CDC42SE2: variants seen among roughly 807,000 people sequenced by gnomAD.
CDC42SE2 encodes CDC42 small effector protein 2.
CDC42SE2 carries 3 observed loss-of-function variants against 11.5 expected under a neutral mutation model. The ratio of observed to expected loss-of-function variants is 0.26; its 90% CI spans 0.12 to 0.67. The LOEUF (loss-of-function observed/expected upper bound fraction) is 0.67, where lower values mean the gene tolerates loss of function less well. Ranked by LOEUF, CDC42SE2 falls within the 30% of genes least tolerant of loss-of-function variation. CDC42SE2 has a pLI of 0.80. For synonymous variants in CDC42SE2, 33 were observed against 34.8 expected, an observed-to-expected ratio of 0.95 and a Z score of 0.18; for missense variants, 82 against 106.8, an observed-to-expected ratio of 0.77 and a Z score of 1.02.
At chr5:131,372,428 A>G (rs1750035382) in intron 3 of CDC42SE2, among the ~76,000 whole-genome samples, 1 of 152,028 alleles carries the variant, frequency 6.6e-6, no homozygotes, top group Non-Finnish European at 1.5e-5. Flanking sequence ...TTGGTCAGAA[A>G]GGCTGGGCGC....
At chr5:131,390,597 C>T (rs1421853278) in intron 4 of CDC42SE2, among the ~76,000 whole-genome samples, 3 of 151,928 alleles carry the variant, frequency 2.0e-5, no homozygotes, top group African/African-American at 7.3e-5. Context: ...ATCATTTGAA[C>T]CTGGGAGGTG....
intron 1 of CDC42SE2, among the ~76,000 whole-genome samples, chr5:131,300,555 C>T (rs1321126190): frequency 6.6e-6 from 1 of 151,964 alleles, no homozygotes; most frequent in South Asian, 2.1e-4. Flanking sequence ...GAGGCCGAGG[C>T]GGGCGGATCA....
At chr5:131,289,746 T>C (rs1188467311) in intron 1 of CDC42SE2, among the ~76,000 whole-genome samples, 1 of 152,186 alleles carries the variant, frequency 6.6e-6, no homozygotes, top group Non-Finnish European at 1.5e-5. Flanking sequence ...ACATGAGACT[T>C]TTCCCCAGTC....
chr5:131,318,627 A>G (rs1398498514), intron 2 of CDC42SE2, among the ~76,000 whole-genome samples: 2 of 152,236 alleles, frequency 1.3e-5, no homozygotes, highest in African/African-American at 2.4e-5. Flanking sequence ...GCCATGCCCT[A>G]GTTACTCCAT....
intron 1 of CDC42SE2, among the ~76,000 whole-genome samples, chr5:131,307,620 T>A (rs1216294558): frequency 6.6e-6 from 1 of 152,198 alleles, no homozygotes; most frequent in South Asian, 2.1e-4. Flanking sequence ...TTTCTAGTTC[T>A]AGATCCCTGA....
intron 2 of CDC42SE2, among the ~76,000 whole-genome samples, chr5:131,321,336 TTTAAAAC>T (rs1244246167): frequency 2.0e-5 from 3 of 152,210 alleles, no homozygotes; most frequent in Non-Finnish European, 4.4e-5. Context: ...AAATGCAGCC[TTTAAAAC>T]TTAAAAGAGG....
intron 1 of CDC42SE2, among the ~76,000 whole-genome samples, chr5:131,305,476 A>G (rs976431833): frequency 6.6e-6 from 1 of 152,168 alleles, no homozygotes; most frequent in Non-Finnish European, 1.5e-5. Context: ...CCTTATTTGA[A>G]CATGGTCTGA....
the CDC42SE2 span, among the ~76,000 whole-genome samples, chr5:131,214,864 T>C: frequency 6.6e-6 from 1 of 152,296 alleles, no homozygotes; most frequent in Non-Finnish European, 1.5e-5. Flanking sequence ...GCCAACACTC[T>C]CAGGAGCTAG....
intron 1 of CDC42SE2, among the ~76,000 whole-genome samples, chr5:131,272,074 G>A (rs1400057546): frequency 3.3e-5 from 5 of 152,066 alleles, no homozygotes; most frequent in South Asian, 2.1e-4. Flanking sequence ...GCAGTGGCGC[G>A]ATCTTGGCTC....
intron 3 of CDC42SE2, among the ~76,000 whole-genome samples, chr5:131,374,486 GTGCCACT>G (rs1750094224): frequency 1.4e-5 from 2 of 147,714 alleles, no homozygotes; most frequent in East Asian, 4.0e-4. Flanking sequence ...AGGCGAGATC[GTGCCACT>G]GCACTCCAGC....
chr5:131,280,361 A>G (rs1208934485), intron 1 of CDC42SE2, among the ~76,000 whole-genome samples: 2 of 152,210 alleles, frequency 1.3e-5, no homozygotes, highest in Non-Finnish European at 2.9e-5. Context: ...AGATACCTCA[A>G]TATGAATATA....
intron 1 of CDC42SE2, among the ~76,000 whole-genome samples, chr5:131,314,641 T>TA (rs1207800416): frequency 6.6e-6 from 1 of 152,182 alleles, no homozygotes; most frequent in Non-Finnish European, 1.5e-5. Flanking sequence ...CTAGACTTAT[T>TA]TATTCTATTA....
At chr5:131,223,206 C>T in the CDC42SE2 span, among the ~76,000 whole-genome samples, 1 of 152,092 alleles carries the variant, frequency 6.6e-6, no homozygotes, top group African/African-American at 2.4e-5. Context: ...TCTTTCTTTC[C>T]TCTAGTCCCA....
chr5:131,264,753 T>G (rs1224256292), intron 1 of CDC42SE2, among the ~76,000 whole-genome samples: 1 of 152,244 alleles, frequency 6.6e-6, no homozygotes, highest in Non-Finnish European at 1.5e-5. Flanking sequence ...ACCCAGTGCT[T>G]GCAGCTTTAA....
intron 2 of CDC42SE2, among the ~76,000 whole-genome samples, chr5:131,256,313 G>T (rs1055295190): frequency 1.3e-5 from 2 of 152,164 alleles, no homozygotes; most frequent in African/African-American, 4.8e-5. Flanking sequence ...TGATGCCTTT[G>T]TCTTTATGGC....
At chr5:131,270,096 C>T (rs564863004) in intron 1 of CDC42SE2, among the ~76,000 whole-genome samples, 29 of 150,220 alleles carry the variant, frequency 1.9e-4, no homozygotes, top group African/African-American at 5.6e-4. Context: ...AACAACTGGC[C>T]GGGCATGGTG....
In CDC42SE2 at chr5:131,391,259, G is replaced by GTAAGT. The variant is rs1750643902; in HGVS notation, c.*170_*174dup. On this transcript the variant is annotated 3_prime_UTR_variant, in exon 5 of 5. Coordinates refer to ENST00000505065, the MANE Select transcript of CDC42SE2 (RefSeq NM_001375635.1). ...TAAGTGTAGTTTCTGCACTTGGAAT[G>GTAAGT]TAAGTTTTAGGTTCTTTTCCTTATT... 7.2e-6 allele frequency: 2 copies of GTAAGT among 277,996 alleles called. No homozygotes were observed. The highest frequency in any genetic ancestry group is 6.3e-5 in the East Asian group (1 of 15,980). 17.2% of individuals were successfully genotyped at this position (277,996 alleles called of 1,614,324 possible).
At chr5:131,283,416 T>C (rs893980985) in intron 1 of CDC42SE2, among the ~76,000 whole-genome samples, 2 of 152,236 alleles carry the variant, frequency 1.3e-5, no homozygotes, top group African/African-American at 4.8e-5. Flanking sequence ...TCATGCGATA[T>C]GTGACCTTTT....
intron 3 of CDC42SE2, among the ~76,000 whole-genome samples, chr5:131,373,486 T>C (rs747758111): frequency 2.6e-5 from 4 of 152,172 alleles, no homozygotes; most frequent in Non-Finnish European, 5.9e-5. Flanking sequence ...CTAGAGAGCC[T>C]ACTGCCATCA....
Sources: gnomAD v4.1 joint callset for allele counts (sites outside exome capture counted in the v4.1 genomes callset) on GRCh38, gnomAD v4.1.1 for gene constraint, MANE v1.5 for transcripts, NCBI Gene and HGNC (gene_info 2026-07-23, HGNC 2026-07-21) for gene names.